The following CLTRN variants were observed in gnomAD, a reference collection of about 807,000 sequenced individuals.
The protein encoded by CLTRN is collectrin, amino acid transport regulator.
CLTRN carries 12 observed loss-of-function variants against 14.5 expected under a neutral mutation model. The observed-to-expected ratio is 0.83, with a 90% CI of 0.53 to 1.34. The LOEUF (loss-of-function observed/expected upper bound fraction) is 1.34, where lower values mean the gene tolerates loss of function less well. Ranked by LOEUF, CLTRN falls within the 40% of genes most tolerant of loss-of-function variation. CLTRN has a pLI of 0.00. For missense variants in CLTRN, 154 were observed against 165.1 expected (o/e 0.93, Z 0.37); for synonymous variants, 58 against 56.5 (o/e 1.03, Z -0.12).
intron 5 of CLTRN, among the ~76,000 whole-genome samples, chrX:15,633,942 A>G (rs1928758928): frequency 8.9e-6 from 1 of 112,258 alleles, no homozygotes; most frequent in Admixed American, 9.4e-5. Flanking sequence ...TGGATGGTCA[A>G]TAAAACAATA....
At chrX:15,666,301 C>A (rs146576989), upstream of CLTRN, among the ~76,000 whole-genome samples, 8 of 111,495 alleles carry the variant, frequency 7.2e-5, no homozygotes, top group South Asian at 3.8e-4. Context: ...TAAGATAATG[C>A]GTGTAAAAGA....
chrX:15,641,396 G>A, intron 4 of CLTRN, among the ~76,000 whole-genome samples: 1 of 112,013 alleles, frequency 8.9e-6, no homozygotes, highest in Admixed American at 9.5e-5. Flanking sequence ...TCTAGTAGCT[G>A]CACTAAAATA....
At chrX:15,660,298 C>T (rs1281670259) in intron 2 of CLTRN, among the ~76,000 whole-genome samples, 1 of 111,469 alleles carries the variant, frequency 9.0e-6, no homozygotes, top group Non-Finnish European at 1.9e-5. Context: ...TTCCTTTCTC[C>T]TAAATATTTT....
intron 1 of CLTRN, 75 bp from the exon 2 acceptor site, chrX:15,664,470 T>C (rs1929577855): frequency 1.1e-6 from 1 of 886,834 alleles, no homozygotes; most frequent in East Asian, 3.4e-5. Context: ...AAAATCCTAA[T>C]ATGTAATGCA....
intron 1 of CLTRN, among the ~76,000 whole-genome samples, chrX:15,674,635 C>T (rs1391203735): frequency 1.8e-5 from 2 of 112,649 alleles, no homozygotes; most frequent in Non-Finnish European, 3.8e-5. Flanking sequence ...ATCAGAGATC[C>T]GCAGGCTCAT....
chrX:15,631,846 T>C (rs946841173), intron 5 of CLTRN, among the ~76,000 whole-genome samples: 5 of 112,202 alleles, frequency 4.5e-5, no homozygotes, highest in Non-Finnish European at 7.5e-5. Context: ...AACAGTAATA[T>C]ATCACTTTGT....
intron 3 of CLTRN, among the ~76,000 whole-genome samples, chrX:15,657,211 G>A (rs1046306867): frequency 2.7e-5 from 3 of 111,702 alleles, no homozygotes; most frequent in African/African-American, 9.8e-5. Context: ...TGTTGCCCAG[G>A]CTGGTCTCGA....
At position 15,646,498 on chromosome X, in the gene CLTRN, C is replaced by T. The variant is rs1357108790; in HGVS notation, c.204-1469G>A. ...CGACCCCCGCGCCAGAAGCACTGGG[C>T]CCTACTGTCCAGGCCCTTCCTCAGC... On this transcript the variant is annotated intron_variant, in intron 3 of 5. Coordinates refer to ENST00000380342, the MANE Select transcript of CLTRN (RefSeq NM_020665.6). The T allele has an allele frequency of 1.9e-4, 52 of 272,832 alleles. 1 individual carries two copies. The Admixed American group carries it at 2.1e-3, about 11-fold the overall frequency. The allele number at this position is 272,832 out of a possible 1,213,427, so 22.5% of individuals were successfully genotyped here.
chrX:15,666,057 GAAC>G (rs1271602807), upstream of CLTRN, among the ~76,000 whole-genome samples: 3 of 111,769 alleles, frequency 2.7e-5, no homozygotes, highest in Admixed American at 9.4e-5. Flanking sequence ...ACAAAGAAGG[GAAC>G]AACAGACACA....
intron 2 of CLTRN, among the ~76,000 whole-genome samples, chrX:15,661,823 C>T (rs1929515834): frequency 8.9e-6 from 1 of 112,381 alleles, no homozygotes; most frequent in South Asian, 3.6e-4. Context: ...TTATATGCCA[C>T]GTGTGGCTTC....
chrX:15,666,968 T>C (rs959425957), upstream of CLTRN, among the ~76,000 whole-genome samples: 1 of 112,437 alleles, frequency 8.9e-6, no homozygotes. Flanking sequence ...CTGGGCACAG[T>C]GCCTCACACC....
intron 3 of CLTRN, chrX:15,646,664 C>T (rs1162991491): frequency 2.9e-6 from 1 of 339,902 alleles, no homozygotes; most frequent in African/African-American, 2.7e-5. Context: ...CCCGCATCCG[C>T]GTCCTGAGAG....
intron 5 of CLTRN, 59 bp from the exon 6 acceptor site, chrX:15,628,186 A>G (rs1214687844): frequency 5.6e-6 from 5 of 893,891 alleles, no homozygotes; most frequent in Non-Finnish European, 7.3e-6. Context: ...ATGGTTGCAT[A>G]TGGTCTTCTG....
intron 3 of CLTRN, among the ~76,000 whole-genome samples, chrX:15,652,658 G>T (rs1929248369): frequency 8.9e-6 from 1 of 111,822 alleles, no homozygotes; most frequent in Non-Finnish European, 1.9e-5. Flanking sequence ...TCTTTGAACT[G>T]TATCATGAAC....
At chrX:15,660,641 CAA>C (rs766646397) in intron 2 of CLTRN, among the ~76,000 whole-genome samples, 4 of 86,042 alleles carry the variant, frequency 4.6e-5, no homozygotes, top group Admixed American at 1.3e-4. Flanking sequence ...CCATCTCTAC[CAA>C]AAAAAAAAAA....
chrX:15,655,277 G>A (rs779187123), intron 3 of CLTRN, among the ~76,000 whole-genome samples: 1 of 112,284 alleles, frequency 8.9e-6, no homozygotes, highest in Admixed American at 9.4e-5. Context: ...ATTCTTCCTG[G>A]ACCTGGGTCC....
At chrX:15,673,505 T>C (rs1412459045) in intron 1 of CLTRN, among the ~76,000 whole-genome samples, 1 of 112,899 alleles carries the variant, frequency 8.9e-6, no homozygotes, top group African/African-American at 3.2e-5. Context: ...CAGGCTGCAC[T>C]TGATCCCATT....
chrX:15,667,812 G>C (rs1167423243), upstream of CLTRN, among the ~76,000 whole-genome samples: 1 of 111,098 alleles, frequency 9.0e-6, no homozygotes, highest in Non-Finnish European at 1.9e-5. Flanking sequence ...TCAACCTCCT[G>C]GGCTCAAGCA....
At chrX:15,665,834 G>A (rs1929610062), upstream of CLTRN, among the ~76,000 whole-genome samples, 1 of 111,970 alleles carries the variant, frequency 8.9e-6, no homozygotes, top group African/African-American at 3.3e-5. Context: ...ATCTCATACG[G>A]GAGGGAACTG....
Sources: allele counts gnomAD v4.1 joint callset (sites outside exome capture counted in the v4.1 genomes callset), GRCh38; gene constraint gnomAD v4.1.1; transcripts MANE v1.5; gene names NCBI Gene and HGNC (gene_info 2026-07-23, HGNC 2026-07-21).